IPO11: variants seen among roughly 807,000 people sequenced by gnomAD.
The protein encoded by IPO11 is importin 11, also known as importin-11.
Under a neutral mutation model 143.2 loss-of-function variants are expected in IPO11, and 66 were observed. The observed-to-expected ratio is 0.46, with a 90% confidence interval of 0.38 to 0.57. The LOEUF (loss-of-function observed/expected upper bound fraction) is 0.57. Ranked by LOEUF, IPO11 falls within the 20% of genes least tolerant of loss-of-function variation. The pLI is 0.00. For synonymous variants in IPO11, 385 were observed against 377.8 expected, an observed-to-expected ratio of 1.02 and a Z score of -0.22; for missense variants, 1,026 against 1,141.0, an observed-to-expected ratio of 0.90 and a Z score of 1.45.
intron 28 of IPO11, among the ~76,000 whole-genome samples, chr5:62,597,141 T>C (rs1249107309): frequency 6.6e-6 from 1 of 152,130 alleles, no homozygotes; most frequent in Non-Finnish European, 1.5e-5. Context: ...CACATGCTCA[T>C]TATAACAGAA....
intron 19 of IPO11, among the ~76,000 whole-genome samples, chr5:62,511,609 T>A (rs1437490651): frequency 1.3e-5 from 2 of 152,222 alleles, no homozygotes; most frequent in African/African-American, 2.4e-5. Flanking sequence ...TGTAGTTGTT[T>A]GGCTACCCTT....
chr5:62,435,210 G>GTATATATATGTATATATATGTACATATA lies in IPO11; in HGVS notation c.-6-2063_-6-2062insATATATATGTATATATATGTACATATAT, dbSNP rs769669064. On this transcript the variant is annotated intron_variant, in intron 1 of 29. Coordinates refer to ENST00000325324, the MANE Select transcript of IPO11 (RefSeq NM_016338.5). The stretch of plus-strand genomic sequence containing the variant: ...TATATGTATATATATGTATATATAT[G>GTATATATATGTATATATATGTACATATA]TGTATATATATATATATCAGAGCAG... Among the ~76,000 whole-genome samples, 7 of 92,328 alleles carry GTATATATATGTATATATATGTACATATA rather than the reference G, an allele frequency of 7.6e-5. 1 individual carries two copies. Among genetic ancestry groups the GTATATATATGTATATATATGTACATATA allele is most frequent in the South Asian group, 3.2e-4 (1 of 3,118 alleles). 60.6% of individuals were successfully genotyped at this position (92,328 alleles called of 152,430 possible).
chr5:62,479,832 A>G (rs1462564482), intron 9 of IPO11, among the ~76,000 whole-genome samples: 1 of 152,054 alleles, frequency 6.6e-6, no homozygotes, highest in African/African-American at 2.4e-5. Flanking sequence ...TAGATTCTGG[A>G]TATTAGCCCT....
rs1746658547 is a variant in IPO11, at chr5:62,628,415, A to G, written c.*1097A>G. ...ATTTTTTAGGAAATACTCAAAAGCA[A>G]GGTTGGAAAATGTTTTATCTTTCTA... On this transcript the variant is annotated 3_prime_UTR_variant, in exon 30 of 30. Transcript: ENST00000325324. The G allele has an allele frequency of 1.3e-5, 2 of 152,676 alleles. No individual in the cohort carries two copies. The highest frequency in any genetic ancestry group is 2.4e-5 in the African/African-American group (1 of 41,458). 9.5% of individuals were successfully genotyped at this position (152,676 alleles called of 1,614,324 possible). A position where few individuals can be genotyped will look rare whatever the true frequency, so the allele number is the denominator to read the frequency against.
chr5:62,414,303 A>C (rs538655375), intron 1 of IPO11, among the ~76,000 whole-genome samples: 1 of 152,212 alleles, frequency 6.6e-6, no homozygotes, highest in Non-Finnish European at 1.5e-5. Flanking sequence ...TTCCAGAAAC[A>C]AAATTTTTTT....
intron 2 of IPO11, among the ~76,000 whole-genome samples, chr5:62,442,662 C>T (rs1215114604): frequency 6.6e-6 from 1 of 151,944 alleles, no homozygotes; most frequent in Non-Finnish European, 1.5e-5. Flanking sequence ...AGGTCGAGAC[C>T]AGCCTGGCCA....
intron 18 of IPO11, among the ~76,000 whole-genome samples, chr5:62,505,895 T>C (rs542928892): frequency 2.0e-5 from 3 of 152,160 alleles, no homozygotes; most frequent in African/African-American, 7.2e-5. Flanking sequence ...GCACCAGGCA[T>C]ATATGGAAGA....
chr5:62,596,250 C>G (rs951998782), intron 28 of IPO11, among the ~76,000 whole-genome samples: 3 of 102,774 alleles, frequency 2.9e-5, no homozygotes, highest in African/African-American at 1.3e-4. Context: ...GCTTGGGTGA[C>G]AGACCAAGGC....
At chr5:62,481,429 G>T (rs1451464192) in intron 9 of IPO11, among the ~76,000 whole-genome samples, 2 of 152,098 alleles carry the variant, frequency 1.3e-5, no homozygotes, top group African/African-American at 4.8e-5. Flanking sequence ...TTTGAGATAT[G>T]TCCCATCAAT....
At chr5:62,517,456 G>C (rs1479468406) in intron 20 of IPO11, among the ~76,000 whole-genome samples, 4 of 152,160 alleles carry the variant, frequency 2.6e-5, no homozygotes, top group Admixed American at 2.6e-4. Context: ...AGGCTGGCGT[G>C]CAATGGTGCG....
intron 26 of IPO11, among the ~76,000 whole-genome samples, chr5:62,557,940 A>AT (rs778159197): frequency 1.3e-5 from 2 of 151,714 alleles, no homozygotes; most frequent in African/African-American, 2.4e-5. Context: ...TCAGCCTTCT[A>AT]TTTTTTTTGT....
chr5:62,469,914 A>G (rs1244656010), intron 6 of IPO11, among the ~76,000 whole-genome samples: 2 of 152,206 alleles, frequency 1.3e-5, no homozygotes, highest in African/African-American at 4.8e-5. Flanking sequence ...GTTGAGTCAT[A>G]GCTTAAAGTT....
intron 3 of IPO11, among the ~76,000 whole-genome samples, chr5:62,444,635 G>A (rs1467779552): frequency 6.6e-6 from 1 of 151,826 alleles, no homozygotes; most frequent in African/African-American, 2.4e-5. Context: ...CAGCACTTTG[G>A]GAGGTCGAGG....
intron 27 of IPO11, among the ~76,000 whole-genome samples, chr5:62,570,855 A>G (rs1580336758): frequency 6.6e-6 from 1 of 152,348 alleles, no homozygotes; most frequent in Middle Eastern, 3.4e-3. Context: ...ATCACCTAAG[A>G]AAAACTAAAC....
At chr5:62,498,760 C>T (rs184090760) in intron 16 of IPO11, among the ~76,000 whole-genome samples, 1 of 152,310 alleles carries the variant, frequency 6.6e-6, no homozygotes, top group Admixed American at 6.5e-5. Flanking sequence ...GTCCCAGCTA[C>T]TCAGGAGGTT....
At chr5:62,578,894 C>A (rs1744427615) in intron 27 of IPO11, 1 of 290,830 alleles carries the variant, frequency 3.4e-6, no homozygotes, top group Non-Finnish European at 6.8e-6. Context: ...AAAACCTTTA[C>A]TGAATCAGCT....
chr5:62,490,491 C>T (rs938423005), intron 15 of IPO11, among the ~76,000 whole-genome samples: 4 of 151,918 alleles, frequency 2.6e-5, no homozygotes, highest in African/African-American at 7.3e-5. Context: ...AAAGACAGTT[C>T]GAAACTTAGC....
chr5:62,485,403 A>C lies in IPO11; in HGVS notation c.1175-16A>C. ...AAGATGTTGAAAATGTCATTATTAC[A>C]TATTTTTAATTGCAGCAGTGGAAGA... On this transcript the variant is annotated splice_polypyrimidine_tract_variant and intron_variant, in intron 11 of 29. Coordinates refer to ENST00000325324, the MANE Select transcript of IPO11 (RefSeq NM_016338.5). 2 of 1,593,458 alleles carry C rather than the reference A, an allele frequency of 1.3e-6. No individual in the cohort carries two copies. Among genetic ancestry groups the C allele is most frequent in the Non-Finnish European group, 1.7e-6 (2 of 1,161,728 alleles).
intron 26 of IPO11, among the ~76,000 whole-genome samples, chr5:62,553,221 G>C (rs1162435617): frequency 6.6e-6 from 1 of 151,936 alleles, no homozygotes; most frequent in Non-Finnish European, 1.5e-5. Flanking sequence ...TTCTCTTTCT[G>C]TTCCTGGCTT....
Sources: allele counts gnomAD v4.1 joint callset (sites outside exome capture counted in the v4.1 genomes callset), GRCh38; gene constraint gnomAD v4.1.1; transcripts MANE v1.5; gene names NCBI Gene and HGNC (gene_info 2026-07-23, HGNC 2026-07-21).